The following GADL1 variants were observed in gnomAD, a reference collection of about 807,000 sequenced individuals.
GADL1 encodes acidic amino acid decarboxylase GADL1.
Under a neutral mutation model 69.5 loss-of-function variants are expected in GADL1, and 71 were observed. The ratio of observed to expected loss-of-function variants is 1.02; its 90% CI spans 0.84 to 1.25. The LOEUF (loss-of-function observed/expected upper bound fraction) is 1.25. Among genes scored for constraint, GADL1 ranks in the 50% most tolerant of loss-of-function variants. The probability of loss-of-function intolerance (pLI) is 0.00; values close to 1 mark genes in which losing one functional copy is unlikely to be tolerated. For synonymous variants in GADL1, 254 were observed against 214.4 expected, an observed-to-expected ratio of 1.18 and a Z score of -1.62; for missense variants, 737 against 631.8, an observed-to-expected ratio of 1.17 and a Z score of -1.79.
At chr3:30,885,275 T>C (rs1698688401) in intron 1 of GADL1, among the ~76,000 whole-genome samples, 1 of 152,094 alleles carries the variant, frequency 6.6e-6, no homozygotes, top group South Asian at 2.1e-4. Flanking sequence ...TTCTTCTGTC[T>C]TATCTATGAT....
At chr3:30,853,134 C>T (rs924103132) in intron 4 of GADL1, among the ~76,000 whole-genome samples, 4 of 152,080 alleles carry the variant, frequency 2.6e-5, no homozygotes, top group Non-Finnish European at 5.9e-5. Context: ...CCTGTTCCTC[C>T]TAACCATTAA....
intron 14 of GADL1, among the ~76,000 whole-genome samples, chr3:30,751,994 A>AT (rs1695832146): frequency 1.9e-5 from 2 of 104,564 alleles, no homozygotes; most frequent in Middle Eastern, 5.2e-3. Context: ...TGGCTGTCTA[A>AT]ATAAGATAGG....
intron 11 of GADL1, among the ~76,000 whole-genome samples, chr3:30,818,729 T>C (rs1697518905): frequency 6.6e-6 from 1 of 152,180 alleles, no homozygotes; most frequent in Non-Finnish European, 1.5e-5. Context: ...GAGCCTCCTG[T>C]GTTTTTATTT....
chr3:30,833,580 A>G (rs1433719674), intron 11 of GADL1, among the ~76,000 whole-genome samples: 1 of 152,108 alleles, frequency 6.6e-6, no homozygotes, highest in African/African-American at 2.4e-5. Context: ...GTTTTAAAAT[A>G]TAATCCAAAT....
rs9809336 is a variant in GADL1 at position 30,846,655 on chromosome 3, C to A, written c.652-2189G>T. 3.3e-5 allele frequency among the ~76,000 whole-genome samples: 5 copies of A among 151,976 alleles called. No individual in the cohort carries two copies. The South Asian group carries it at 1.0e-3, about 32-fold the overall frequency. On this transcript the variant is annotated intron_variant, in intron 6 of 14. Coordinates refer to ENST00000282538, the MANE Select transcript of GADL1 (RefSeq NM_207359.3). Reference sequence around the variant, plus strand: ...TAAATGTTACATTTTAGAGAATGAACAAAAAGAGTGTCCAAGGGATGTCTC... The same window carrying A: ...TAAATGTTACATTTTAGAGAATGAAAAAAAAGAGTGTCCAAGGGATGTCTC...
At chr3:30,844,847 C>G (rs1379149817) in intron 6 of GADL1, among the ~76,000 whole-genome samples, 1 of 152,158 alleles carries the variant, frequency 6.6e-6, no homozygotes, top group African/African-American at 2.4e-5. Context: ...ATGGAACAAA[C>G]TAGGACACCG....
Position 30,728,024 on chromosome 3 carries a change from T to TG in GADL1, c.*217_*218insC. ...CAGGGGCATTCCTTGAGAAAATCAT[T>TG]TTTTTTTTTAAACTTTCTTCTTTTA... On this transcript the variant is annotated 3_prime_UTR_variant, in exon 15 of 15. Coordinates refer to ENST00000282538, the MANE Select transcript of GADL1 (RefSeq NM_207359.3). 2.3e-6 allele frequency: 1 copy of TG among 435,376 alleles called. No homozygotes were observed. Among genetic ancestry groups the TG allele is most frequent in the Non-Finnish European group, 4.1e-6 (1 of 244,988 alleles). The allele number at this position is 435,376 out of a possible 1,614,324, so 27.0% of individuals were successfully genotyped here.
chr3:30,759,561 T>C (rs535446574), intron 14 of GADL1, among the ~76,000 whole-genome samples: 1 of 152,262 alleles, frequency 6.6e-6, no homozygotes, highest in East Asian at 1.9e-4. Flanking sequence ...ACAGTAACAC[T>C]GTGGTAAGCT....
intron 14 of GADL1, among the ~76,000 whole-genome samples, chr3:30,751,110 C>A (rs775820752): frequency 1.3e-5 from 2 of 149,622 alleles, no homozygotes; most frequent in Non-Finnish European, 2.9e-5. Flanking sequence ...CAGTTCTAGG[C>A]AAGATTGGGC....
At chr3:30,878,476 TC>T (rs1698604884) in intron 1 of GADL1, among the ~76,000 whole-genome samples, 4 of 151,946 alleles carry the variant, frequency 2.6e-5, no homozygotes, top group Admixed American at 2.6e-4. Context: ...TAAATTATTT[TC>T]CTTAAACAAA....
intron 14 of GADL1, among the ~76,000 whole-genome samples, chr3:30,750,161 T>G (rs1280863983): frequency 6.6e-6 from 1 of 152,198 alleles, no homozygotes; most frequent in Non-Finnish European, 1.5e-5. Flanking sequence ...CCTCTCACTC[T>G]TGCTCTGAAA....
intron 1 of GADL1, among the ~76,000 whole-genome samples, chr3:30,870,597 C>T (rs12635150): frequency 0.14 from 21,899 of 151,410 alleles, 1,726 homozygotes; most frequent in South Asian, 0.18. Context: ...CTCTGGATGC[C>T]GTGTAGAGAA....
At chr3:30,821,209 T>G (rs1478512548) in intron 11 of GADL1, among the ~76,000 whole-genome samples, 1 of 151,908 alleles carries the variant, frequency 6.6e-6, no homozygotes, top group Non-Finnish European at 1.5e-5. Flanking sequence ...GGGATAGCAT[T>G]AGGAGATATA....
At chr3:30,830,663 C>A (rs1042348680) in intron 11 of GADL1, among the ~76,000 whole-genome samples, 23 of 152,094 alleles carry the variant, frequency 1.5e-4, no homozygotes, top group African/African-American at 5.5e-4. Flanking sequence ...GCATCTATAA[C>A]CCATTCCTAT....
chr3:30,827,999 C>G (rs1697711862), intron 11 of GADL1, among the ~76,000 whole-genome samples: 1 of 151,804 alleles, frequency 6.6e-6, no homozygotes, highest in Admixed American at 6.6e-5. Context: ...TATAATGTAC[C>G]TGTACAGAAA....
chr3:30,744,752 A>T lies in GADL1; in HGVS notation c.1393-16337T>A, dbSNP rs183988010. On this transcript the variant is annotated intron_variant, in intron 14 of 14. Transcript: ENST00000282538. ...AAAAGCTACATAGTAAATATTTTAG[A>T]CTTTGCAGGCCATACAGTTTCTGTG... Among the ~76,000 whole-genome samples, 3 of 152,272 alleles carry T rather than the reference A, an allele frequency of 2.0e-5. No homozygotes were observed. In the East Asian group the frequency reaches 5.8e-4, roughly 29 times the overall value.
chr3:30,743,155 TG>T (rs1695651482), intron 14 of GADL1, among the ~76,000 whole-genome samples: 1 of 152,122 alleles, frequency 6.6e-6, no homozygotes, highest in Non-Finnish European at 1.5e-5. Flanking sequence ...TGACCCAGTT[TG>T]AGAGAGTATC....
rs146701429 is a variant in GADL1 at position 30,773,267 on chromosome 3, A to G, written c.1392+4912T>C. Reference sequence around the variant, plus strand: ...TTTTTAAATGGTAAAAACGTACCATATTGGGATTAATGCTTATTTTTTTCT... The same window carrying G: ...TTTTTAAATGGTAAAAACGTACCATGTTGGGATTAATGCTTATTTTTTTCT... On this transcript the variant is annotated intron_variant, in intron 14 of 14. Coordinates refer to ENST00000282538, the MANE Select transcript of GADL1 (RefSeq NM_207359.3). 6.6e-5 allele frequency among the ~76,000 whole-genome samples: 10 copies of G among 152,300 alleles called. No individual in the cohort carries two copies. The East Asian group carries it at 1.9e-3, about 29-fold the overall frequency.
Position 30,728,367 on chromosome 3 carries a change from G to T in GADL1, c.1441C>A (p.Leu481Met). The T allele has an allele frequency of 6.2e-7, 1 of 1,613,840 alleles. No individual in the cohort carries two copies. The highest frequency in any genetic ancestry group is 8.5e-7 in the Non-Finnish European group (1 of 1,179,820). The change falls in exon 15 of 15, where the codon CTG becomes ATG. Residue 481 changes from leucine to methionine, a missense_variant. Physicochemically the swap from Leu to Met is conservative, Grantham distance 15. Transcript: ENST00000282538. ...TTTCCCCGGTGCGGCTGGTAGCCCA[G>T]CATCAAGCTTCCCTTCTTCATCATC... The part of the protein sequence containing the change: ...ERMMKKGSLM[L>M]GYQPHRGKVN...
Sources: allele counts gnomAD v4.1 joint callset (sites outside exome capture counted in the v4.1 genomes callset), GRCh38; gene constraint gnomAD v4.1.1; transcripts MANE v1.5; gene names NCBI Gene and HGNC (gene_info 2026-07-23, HGNC 2026-07-21).